The following NAV3 variants were observed in gnomAD, a reference collection of about 807,000 sequenced individuals.
NAV3 encodes the protein neuron navigator 3, also known as pore membrane and/or filament interacting like protein 1.
NAV3 carries 87 observed loss-of-function variants against 244.7 expected under a neutral mutation model. The ratio of observed to expected loss-of-function variants is 0.36; its 90% CI spans 0.30 to 0.42. The LOEUF is 0.42. Ranked by LOEUF, NAV3 falls within the 20% of genes least tolerant of loss-of-function variation. The pLI, the probability that NAV3 is intolerant of heterozygous loss-of-function variation, is 1.00. For synonymous variants in NAV3, 1,126 were observed against 1,042.2 expected (o/e 1.08, Z -1.55); for missense variants, 2,663 against 2,893.3 (o/e 0.92, Z 1.83).
chr12:77,988,120 T>C, intron 5 of NAV3, among the ~76,000 whole-genome samples: 1 of 152,204 alleles, frequency 6.6e-6, no homozygotes, highest in East Asian at 1.9e-4. Context: ...GGATATTCTG[T>C]AGCACACAGT....
chr12:77,836,413 T>A (rs1874642617), intron 1 of NAV3, among the ~76,000 whole-genome samples: 1 of 152,228 alleles, frequency 6.6e-6, no homozygotes, highest in Non-Finnish European at 1.5e-5. Context: ...TCAGATTACT[T>A]GTGCAAACTC....
At chr12:77,744,795 T>C (rs1038316248) in intron 2 of NAV3, among the ~76,000 whole-genome samples, 3 of 151,910 alleles carry the variant, frequency 2.0e-5, no homozygotes, top group African/African-American at 7.2e-5. Context: ...ATTTAAATGA[T>C]ATGCTAATAA....
chr12:77,731,759 A>G (rs1370093680), intron 2 of NAV3, among the ~76,000 whole-genome samples: 1 of 151,972 alleles, frequency 6.6e-6, no homozygotes, highest in East Asian at 1.9e-4. Flanking sequence ...ATCTTTCCAA[A>G]AGTATTCAAC....
At chr12:77,679,973 T>G (rs1347210526) in intron 2 of NAV3, among the ~76,000 whole-genome samples, 1 of 152,112 alleles carries the variant, frequency 6.6e-6, no homozygotes, top group Admixed American at 6.6e-5. Context: ...CGTCATGTCC[T>G]TGCCTTTCAT....
At chr12:77,649,469 A>G (rs536211768) in intron 2 of NAV3, among the ~76,000 whole-genome samples, 4 of 152,258 alleles carry the variant, frequency 2.6e-5, no homozygotes, top group Non-Finnish European at 5.9e-5. Flanking sequence ...AAAGGCATAA[A>G]TTAGCACATC....
intron 30 of NAV3, 87 bp from the exon 31 acceptor site, chr12:78,185,513 TA>T: frequency 8.7e-7 from 1 of 1,153,756 alleles, no homozygotes; most frequent in Non-Finnish European, 1.3e-6. Flanking sequence ...TTGAAAGATA[TA>T]AAACTATGAG....
At chr12:78,041,936 G>C (rs964725898) in intron 9 of NAV3, among the ~76,000 whole-genome samples, 15 of 151,652 alleles carry the variant, frequency 9.9e-5, no homozygotes, top group Admixed American at 8.5e-4. Flanking sequence ...TTTTCTTTTT[G>C]TTCCCTTTCT....
At chr12:77,719,937 A>AT (rs1876536400) in intron 2 of NAV3, among the ~76,000 whole-genome samples, 1 of 152,048 alleles carries the variant, frequency 6.6e-6, no homozygotes, top group Non-Finnish European at 1.5e-5. Context: ...CTTTGCTGAG[A>AT]TTTTTTAATT....
intron 19 of NAV3, among the ~76,000 whole-genome samples, chr12:78,139,346 C>T (rs1181672323): frequency 6.6e-6 from 1 of 152,082 alleles, no homozygotes; most frequent in African/African-American, 2.4e-5. Context: ...CTTGTAGTAC[C>T]CACCATATTG....
At chr12:78,028,853 C>T (rs966943182) in intron 9 of NAV3, among the ~76,000 whole-genome samples, 3 of 152,078 alleles carry the variant, frequency 2.0e-5, no homozygotes, top group Non-Finnish European at 4.4e-5. Context: ...GTACTTTCCC[C>T]GAAATGTGAC....
intron 2 of NAV3, among the ~76,000 whole-genome samples, chr12:77,757,024 G>A (rs149524962): frequency 6.6e-6 from 1 of 152,198 alleles, no homozygotes; most frequent in African/African-American, 2.4e-5. Flanking sequence ...GCACTTGCTA[G>A]GTATAACAGT....
chr12:78,118,231 G>A lies in NAV3; in HGVS notation c.2974G>A (p.Gly992Ser), dbSNP rs776458322. 5.6e-5 allele frequency: 90 copies of A among 1,613,614 alleles called. No individual in the cohort carries two copies. The highest frequency in any genetic ancestry group is 7.5e-5 in the Non-Finnish European group (89 of 1,179,772). Residue 992 changes from glycine to serine, a missense_variant, in exon 14 of 40, where the codon GGC becomes AGC. Physicochemically the swap from Gly to Ser is moderately conservative, Grantham distance 56 (BLOSUM62 0). Coordinates refer to ENST00000397909, the MANE Select transcript of NAV3 (RefSeq NM_001024383.2). Reference protein sequence around the residue: ...SVSQTGSWRRGMSAQGGAPSR... With the variant: ...SVSQTGSWRRSMSAQGGAPSR... ...TTCACAGACAGGTTCCTGGAGAAGA[G>A]GCATGTCTGCCCAAGGAGGGGCGCC...
At chr12:78,130,425 C>T (rs1593711280) in intron 18 of NAV3, 1 of 218,992 alleles carries the variant, frequency 4.6e-6, no homozygotes, top group East Asian at 1.1e-4. Context: ...TCTTTTTCTG[C>T]ATGCTCGGGA....
At chr12:78,098,820 A>G (rs1469171778) in intron 12 of NAV3, among the ~76,000 whole-genome samples, 1 of 151,884 alleles carries the variant, frequency 6.6e-6, no homozygotes, top group Admixed American at 6.6e-5. Flanking sequence ...AAAATTAGCT[A>G]AGTAAGTTAT....
At chr12:78,044,890 C>G (rs1196071555) in intron 9 of NAV3, among the ~76,000 whole-genome samples, 2 of 152,192 alleles carry the variant, frequency 1.3e-5, no homozygotes, top group African/African-American at 4.8e-5. Flanking sequence ...GACAATTTGA[C>G]TTCCTCTCTT....
At chr12:78,027,948 TTTTTG>T (rs962465952) in intron 9 of NAV3, among the ~76,000 whole-genome samples, 33 of 152,268 alleles carry the variant, frequency 2.2e-4, no homozygotes, top group African/African-American at 3.4e-4. Flanking sequence ...GAAGCGTTTT[TTTTTG>T]TTTTGTTTTG....
In NAV3 at chr12:78,116,889, T is replaced by A. The variant is rs539148915; in HGVS notation, c.2754T>A (p.Ser918=). ...CTTACTCCAACATCACCGTCCCCTC[T>A]AGGAAGAATACTCAGGTGAGAATTA... ...VSSYSNITVP[S]RKNTQLRTDS... is the part of the protein sequence containing the mutation. The change falls in exon 13 of 40, where the codon TCT becomes TCA. Residue 918 remains serine, a synonymous_variant. Transcript: ENST00000397909. The A allele has an allele frequency of 2.0e-5, 33 of 1,611,974 alleles. No individual in the cohort carries two copies. In the African/African-American group the frequency reaches 3.6e-4, roughly 18 times the overall value.
intron 18 of NAV3, among the ~76,000 whole-genome samples, chr12:78,133,492 G>C (rs1230244982): frequency 6.6e-6 from 1 of 151,210 alleles, no homozygotes; most frequent in Non-Finnish European, 1.5e-5. Flanking sequence ...TGAATAATCA[G>C]TAAGATACAG....
chr12:77,839,078 G>A (rs1204994578), intron 1 of NAV3, among the ~76,000 whole-genome samples: 25 of 152,122 alleles, frequency 1.6e-4, no homozygotes, highest in Admixed American at 1.6e-3. Context: ...TCTGTATTAG[G>A]CATAGGGATA....
Sources: allele counts gnomAD v4.1 joint callset (sites outside exome capture counted in the v4.1 genomes callset), GRCh38; gene constraint gnomAD v4.1.1; transcripts MANE v1.5; gene names NCBI Gene and HGNC (gene_info 2026-07-23, HGNC 2026-07-21).